BCAP29: variants seen among roughly 807,000 people sequenced by gnomAD.
BCAP29 encodes B-cell receptor-associated protein 29.
A neutral mutation model predicts 31.8 loss-of-function variants in BCAP29; 34 were observed. The observed-to-expected ratio is 1.07, with a 90% CI of 0.81 to 1.42. BCAP29 has a LOEUF of 1.42. Ranked by LOEUF, BCAP29 falls within the 40% of genes most tolerant of loss-of-function variation. The pLI is 0.00. For missense variants in BCAP29, 314 were observed against 269.2 expected (o/e 1.17, Z -1.16); for synonymous variants, 104 against 91.3 (o/e 1.14, Z -0.79).
At chr7:107,605,708 A>G (rs1173327631) in intron 6 of BCAP29, among the ~76,000 whole-genome samples, 1 of 152,188 alleles carries the variant, frequency 6.6e-6, no homozygotes, top group Admixed American at 6.5e-5. Context: ...GAAGGAGATA[A>G]TTACTTTGAA....
chr7:107,591,925 G>T (rs1019447132), intron 3 of BCAP29, among the ~76,000 whole-genome samples: 2 of 151,820 alleles, frequency 1.3e-5, no homozygotes, highest in Non-Finnish European at 2.9e-5. Flanking sequence ...AATTCAGAAT[G>T]TGAGAACTTT....
rs775181367 is a variant in BCAP29, at chr7:107,595,916, TCAAA to T, written c.399_402del (p.Asn133LysfsTer25). 6.1e-5 allele frequency: 98 copies of T among 1,601,972 alleles called. No individual in the cohort carries two copies. Among genetic ancestry groups the T allele is most frequent in the Non-Finnish European group, 7.9e-5 (93 of 1,176,536 alleles). On this transcript the variant is annotated frameshift_variant, in exon 5 of 8. Coordinates refer to ENST00000005259, the MANE Select transcript of BCAP29 (RefSeq NM_018844.4). LOFTEE classifies it high-confidence loss of function. ...TATTACTCAACTGGCAAAAGAACTG[TCAAA>T]CAAAGGTGTACTTAAAACTCAAGCA... is the stretch of plus-strand genomic sequence containing the variant.
chr7:107,597,269 C>A (rs1314274300), intron 5 of BCAP29, among the ~76,000 whole-genome samples: 1 of 152,158 alleles, frequency 6.6e-6, no homozygotes, highest in African/African-American at 2.4e-5. Flanking sequence ...TCCTCTCCTT[C>A]CCTCCCTTCC....
At chr7:107,612,547 A>C (rs1388758908) in intron 6 of BCAP29, among the ~76,000 whole-genome samples, 1 of 151,240 alleles carries the variant, frequency 6.6e-6, no homozygotes, top group Non-Finnish European at 1.5e-5. Context: ...TATCTTGAGG[A>C]GCAGGATGTT....
Position 107,583,880 on chromosome 7 carries a change from A to G in BCAP29, c.93-2A>G. On this transcript the variant is annotated splice_acceptor_variant, in intron 2 of 7. Coordinates refer to ENST00000005259, the MANE Select transcript of BCAP29 (RefSeq NM_018844.4). LOFTEE classifies it high-confidence loss of function. ...ACCTAATATAATTGTATTGCTTTAC[A>G]GATGGCAGAAGATTTTTTCATTTAA... 1 of 1,525,330 alleles carries G rather than the reference A, an allele frequency of 6.6e-7. No homozygotes were observed. Among genetic ancestry groups the G allele is most frequent in the Non-Finnish European group, 8.9e-7 (1 of 1,120,800 alleles). The allele number at this position is 1,525,330 out of a possible 1,614,324, so 94.5% of individuals were successfully genotyped here.
chr7:107,603,762 T>A (rs1035476511), intron 6 of BCAP29, among the ~76,000 whole-genome samples: 1 of 151,866 alleles, frequency 6.6e-6, no homozygotes, highest in African/African-American at 2.4e-5. Context: ...TGCACCACCA[T>A]GCCCGCCTAA....
intron 4 of BCAP29, among the ~76,000 whole-genome samples, chr7:107,594,947 G>A (rs1373325140): frequency 3.9e-5 from 6 of 152,128 alleles, no homozygotes; most frequent in South Asian, 2.1e-4. Context: ...TGTCTCATAC[G>A]TGTCTCTGAG....
intron 2 of BCAP29, 81 bp downstream of exon 2, chr7:107,580,945 A>G (rs1806539656): frequency 2.0e-6 from 2 of 998,752 alleles, no homozygotes; most frequent in East Asian, 6.1e-5. Context: ...GAACATTAAA[A>G]AGTTTCGAAA....
intron 6 of BCAP29, among the ~76,000 whole-genome samples, chr7:107,610,206 C>T (rs1057395735): frequency 1.3e-5 from 2 of 152,124 alleles, no homozygotes; most frequent in African/African-American, 4.8e-5. Flanking sequence ...ATCTAATGGA[C>T]CATAACCTAG....
chr7:107,584,816 G>T (rs1021826356), intron 3 of BCAP29, among the ~76,000 whole-genome samples: 1 of 152,180 alleles, frequency 6.6e-6, no homozygotes, highest in Admixed American at 6.5e-5. Context: ...TGTGATAACA[G>T]CATTGTTACA....
chr7:107,595,678 T>G (rs1475198848), intron 4 of BCAP29, among the ~76,000 whole-genome samples, 189 bp from the exon 5 acceptor site: 1 of 152,042 alleles, frequency 6.6e-6, no homozygotes, highest in East Asian at 1.9e-4. Flanking sequence ...TAACAAAGAT[T>G]CCAAAGGAAT....
At chr7:107,593,472 T>G (rs888317524) in intron 3 of BCAP29, among the ~76,000 whole-genome samples, 1 of 152,218 alleles carries the variant, frequency 6.6e-6, no homozygotes, top group Admixed American at 6.5e-5. Context: ...AACAAACTTA[T>G]GCCAGTGGAA....
At chr7:107,604,277 T>C (rs1330863277) in intron 6 of BCAP29, among the ~76,000 whole-genome samples, 1 of 152,192 alleles carries the variant, frequency 6.6e-6, no homozygotes, top group African/African-American at 2.4e-5. Flanking sequence ...GTTAAGTTTT[T>C]TTTACTTTTT....
chr7:107,591,656 A>ACACACACACACC, intron 3 of BCAP29, among the ~76,000 whole-genome samples: 2,254 of 136,168 alleles, frequency 0.017, 63 homozygotes, highest in Non-Finnish European at 0.021. Flanking sequence ...ACACACACAC[A>ACACACACACACC]CCCTATTGGT....
intron 2 of BCAP29, among the ~76,000 whole-genome samples, chr7:107,582,982 A>C (rs1457720977): frequency 6.6e-6 from 1 of 152,114 alleles, no homozygotes; most frequent in Non-Finnish European, 1.5e-5. Flanking sequence ...TAGTTACTTG[A>C]AGTTGTCCTA....
intron 5 of BCAP29, among the ~76,000 whole-genome samples, chr7:107,599,240 T>C (rs1253640802): frequency 7.7e-6 from 1 of 129,382 alleles, no homozygotes; most frequent in Non-Finnish European, 1.6e-5. Flanking sequence ...TATATATTTA[T>C]ATATAAATAT....
chr7:107,598,423 A>G (rs1226271114), intron 5 of BCAP29, among the ~76,000 whole-genome samples: 1 of 152,198 alleles, frequency 6.6e-6, no homozygotes, highest in African/African-American at 2.4e-5. Flanking sequence ...TTGGGATTAT[A>G]TAATATATGC....
intron 6 of BCAP29, among the ~76,000 whole-genome samples, chr7:107,606,771 C>A (rs1032032507): frequency 6.6e-6 from 1 of 152,136 alleles, no homozygotes; most frequent in African/African-American, 2.4e-5. Flanking sequence ...AAGAAATTAG[C>A]ATGTTCTTTT....
intron 2 of BCAP29, among the ~76,000 whole-genome samples, chr7:107,583,087 T>C (rs1415755512): frequency 6.6e-6 from 1 of 152,116 alleles, no homozygotes; most frequent in African/African-American, 2.4e-5. Context: ...TACATTTTTC[T>C]GCCTCCTTTC....
Sources: allele counts gnomAD v4.1 joint callset (sites outside exome capture counted in the v4.1 genomes callset), GRCh38; gene constraint gnomAD v4.1.1; transcripts MANE v1.5; gene names NCBI Gene and HGNC (gene_info 2026-07-23, HGNC 2026-07-21).